The following SMCHD1 variants were observed in gnomAD, a reference collection of about 807,000 sequenced individuals.
The protein encoded by SMCHD1 is structural maintenance of chromosomes flexible hinge domain-containing protein 1.
In SMCHD1, 78 loss-of-function variants were observed where a neutral mutation model predicts 254.7. The observed-to-expected ratio is 0.31, with a 90% confidence interval of 0.26 to 0.37. The LOEUF is 0.37. Ranked by LOEUF, SMCHD1 falls within the 10% of genes least tolerant of loss-of-function variation. The probability of loss-of-function intolerance (pLI) is 1.00; values close to 1 mark genes in which losing one functional copy is unlikely to be tolerated. For synonymous variants in SMCHD1, 766 were observed against 794.9 expected (o/e 0.96, Z 0.61); for missense variants, 1,840 against 2,408.1 (o/e 0.76, Z 4.94).
At chr18:2,778,917 G>A (rs373059487) in intron 44 of SMCHD1, 3 of 152,158 alleles carry the variant, frequency 2.0e-5, no homozygotes, top group South Asian at 2.1e-4. Context: ...TGGGGGTTAC[G>A]GACTTTAACA....
chr18:2,700,986 A>G (rs1568176783), intron 12 of SMCHD1, 68 bp downstream of exon 12: 2 of 1,182,202 alleles, frequency 1.7e-6, no homozygotes, highest in African/African-American at 1.5e-5. Flanking sequence ...AGAAGACACT[A>G]GCAGTGTAGG....
chr18:2,670,900 TAAA>T (rs372225530), intron 3 of SMCHD1, among the ~76,000 whole-genome samples: 8 of 116,584 alleles, frequency 6.9e-5, no homozygotes, highest in Non-Finnish European at 1.0e-4. Flanking sequence ...AGACTGCATC[TAAA>T]AAAAAAAAAA....
Position 2,802,586 on chromosome 18 carries a change from T to A in SMCHD1, c.*34T>A, listed in dbSNP as rs1188338453. 6.5e-7 allele frequency: 1 copy of A among 1,538,058 alleles called. No homozygotes were observed. Among genetic ancestry groups the A allele is most frequent in the South Asian group, 1.2e-5 (1 of 81,938 alleles). On this transcript the variant is annotated 3_prime_UTR_variant, in exon 48 of 48. Coordinates refer to ENST00000320876, the MANE Select transcript of SMCHD1 (RefSeq NM_015295.3). ...AGAGAGAAGAGGCCATTGGTCTCAG[T>A]AAGAATGCCCTGCTTTCTGCATCTC...
intron 30 of SMCHD1, among the ~76,000 whole-genome samples, chr18:2,748,143 C>A (rs992555339): frequency 2.0e-5 from 3 of 151,996 alleles, no homozygotes; most frequent in Admixed American, 6.6e-5. Flanking sequence ...GAGGCTCCTG[C>A]CCTTTATTGT....
At chr18:2,677,066 A>T (rs571880699) in intron 5 of SMCHD1, among the ~76,000 whole-genome samples, 1 of 152,118 alleles carries the variant, frequency 6.6e-6, no homozygotes, top group Non-Finnish European at 1.5e-5. Context: ...TGTTCAGGCT[A>T]GTTTTCTTGT....
In SMCHD1 at chr18:2,802,614, T is replaced by TTTCA; in HGVS notation, c.*63_*66dup. The TTTCA allele has an allele frequency of 6.8e-7, 1 of 1,463,608 alleles. No individual in the cohort carries two copies. The highest frequency in any genetic ancestry group is 9.2e-7 in the Non-Finnish European group (1 of 1,085,442). The allele number at this position is 1,463,608 out of a possible 1,614,324, so 90.7% of individuals were successfully genotyped here. A position where few individuals can be genotyped will look rare whatever the true frequency, so the allele number is the denominator to read the frequency against. ...GAATGCCCTGCTTTCTGCATCTCTG[T>TTTCA]TTCAGAAGACCAAGAGGGTGACTTA... On this transcript the variant is annotated 3_prime_UTR_variant, in exon 48 of 48. Transcript: ENST00000320876.
At chr18:2,703,194 C>T (rs1336003387) in intron 12 of SMCHD1, among the ~76,000 whole-genome samples, 1 of 152,150 alleles carries the variant, frequency 6.6e-6, no homozygotes, top group Non-Finnish European at 1.5e-5. Context: ...TTCTTGGCAT[C>T]TTTTTCTCAA....
At chr18:2,678,113 CCT>C (rs2073799150) in intron 5 of SMCHD1, among the ~76,000 whole-genome samples, 3 of 152,202 alleles carry the variant, frequency 2.0e-5, no homozygotes, top group African/African-American at 7.2e-5. Flanking sequence ...ACATTATAGC[CCT>C]GTTACTAGAG....
intron 5 of SMCHD1, among the ~76,000 whole-genome samples, chr18:2,679,480 C>CATAAAAAAAAA (rs1670166462): frequency 1.7e-5 from 1 of 58,678 alleles, no homozygotes; most frequent in Non-Finnish European, 3.9e-5. Context: ...ACTCCATCTC[C>CATAAAAAAAAA]AAAAAAAAAA....
chr18:2,728,964 A>AAT, intron 23 of SMCHD1: 1 of 231,592 alleles, frequency 4.3e-6, no homozygotes, highest in Non-Finnish European at 8.2e-6. Context: ...AAAAAAAAAA[A>AAT]GGGAATGATG....
Position 2,762,245 on chromosome 18 carries a change from T to G in SMCHD1, c.4566+9T>G. On this transcript the variant is annotated intron_variant, in intron 36 of 47. Coordinates refer to ENST00000320876, the MANE Select transcript of SMCHD1 (RefSeq NM_015295.3). ...TACATCTTAGTATCACGGTAATGTTTATTTTCTTCCAAAACTGCGAAGGGT... is the reference window on the plus strand; with the variant it reads ...TACATCTTAGTATCACGGTAATGTTGATTTTCTTCCAAAACTGCGAAGGGT... 6.2e-7 allele frequency: 1 copy of G among 1,610,976 alleles called. No homozygotes were observed. Among genetic ancestry groups the G allele is most frequent in the Non-Finnish European group, 8.5e-7 (1 of 1,178,624 alleles).
At chr18:2,671,890 G>A (rs1483236594) in intron 3 of SMCHD1, among the ~76,000 whole-genome samples, 2 of 151,898 alleles carry the variant, frequency 1.3e-5, no homozygotes, top group Admixed American at 6.6e-5. Context: ...GAGCCACCGC[G>A]CCTGGCCTTG....
chr18:2,752,401 A>G (rs1198646639), intron 33 of SMCHD1, 87 bp from the exon 34 acceptor site: 1 of 787,682 alleles, frequency 1.3e-6, no homozygotes, highest in Admixed American at 2.1e-5. Flanking sequence ...CATTCAGTTT[A>G]GGTATATAAT....
chr18:2,701,383 A>C (rs547117648), intron 12 of SMCHD1: 1 of 152,646 alleles, frequency 6.6e-6, no homozygotes, highest in East Asian at 1.9e-4. Context: ...CTGGTCTCGA[A>C]CTCCTGACCT....
At position 2,751,334 on chromosome 18, in the gene SMCHD1, G is replaced by A. The variant is rs748053946; in HGVS notation, c.4222G>A (p.Ala1408Thr). The A allele has an allele frequency of 1.3e-6, 2 of 1,581,394 alleles. No individual in the cohort carries two copies. Among genetic ancestry groups the A allele is most frequent in the Non-Finnish European group, 1.7e-6 (2 of 1,169,094 alleles). ...CAGTATCATTAAAAACATTAATCCA[G>A]CACGTATTTCCATGAAAATGTGGAA... is the stretch of plus-strand genomic sequence containing the variant. ...DDSIIKNINP[A>T]RISMKMWKLS... is the part of the protein sequence containing the mutation. Residue 1408 changes from alanine (A) to threonine (T), a missense_variant, in exon 33 of 48, where the codon GCA becomes ACA. Coordinates refer to ENST00000320876, the MANE Select transcript of SMCHD1 (RefSeq NM_015295.3).
chr18:2,758,185 C>T (rs1568323843), intron 34 of SMCHD1, among the ~76,000 whole-genome samples: 2 of 152,056 alleles, frequency 1.3e-5, no homozygotes. Flanking sequence ...GGTTTTGGAT[C>T]TGTTTTGTTT....
At chr18:2,681,503 T>C (rs931049028) in intron 5 of SMCHD1, among the ~76,000 whole-genome samples, 15 of 149,672 alleles carry the variant, frequency 1.0e-4, no homozygotes, top group Admixed American at 7.4e-4. Context: ...GAGGATCGCT[T>C]GAGACTAGGA....
intron 44 of SMCHD1, among the ~76,000 whole-genome samples, chr18:2,779,397 G>T (rs185850008): frequency 1.3e-5 from 2 of 152,190 alleles, no homozygotes; most frequent in South Asian, 4.1e-4. Flanking sequence ...ATAGAGTAGG[G>T]TAATGCCATT....
At chr18:2,670,604 A>G (rs1019268622) in intron 3 of SMCHD1, among the ~76,000 whole-genome samples, 5 of 152,170 alleles carry the variant, frequency 3.3e-5, no homozygotes, top group Non-Finnish European at 7.3e-5. Context: ...AGGTGCTTAA[A>G]TATTTTAAAA....
Sources: gnomAD v4.1 joint callset for allele counts (sites outside exome capture counted in the v4.1 genomes callset) on GRCh38, gnomAD v4.1.1 for gene constraint, MANE v1.5 for transcripts, NCBI Gene and HGNC (gene_info 2026-07-23, HGNC 2026-07-21) for gene names.